CELF2: variants seen among roughly 807,000 people sequenced by gnomAD.
CELF2 encodes CUGBP Elav-like family member 2.
In CELF2, 8 loss-of-function variants were observed where a neutral mutation model predicts 62.6. The ratio of observed to expected loss-of-function variants is 0.13; its 90% CI spans 0.07 to 0.23. The LOEUF is 0.23. Among genes scored for constraint, CELF2 ranks in the 10% least tolerant of loss-of-function variants. The probability of loss-of-function intolerance (pLI) is 1.00; values close to 1 mark genes in which losing one functional copy is unlikely to be tolerated. For missense variants in CELF2, 333 were observed against 671.0 expected (o/e 0.50, Z 5.56); for synonymous variants, 258 against 250.0 (o/e 1.03, Z -0.30).
the CELF2 span, among the ~76,000 whole-genome samples, chr10:10,648,007 T>C: frequency 6.6e-6 from 1 of 152,334 alleles, no homozygotes; most frequent in East Asian, 1.9e-4. Context: ...AGGATTCAAC[T>C]ACAGATGTTT....
At chr10:10,921,355 C>T (rs533955780) in intron 2 of CELF2, among the ~76,000 whole-genome samples, 82 of 151,198 alleles carry the variant, frequency 5.4e-4, no homozygotes, top group African/African-American at 1.9e-3. Context: ...CTGCAACCTC[C>T]GCCCCTGGGT....
chr10:10,927,814 A>C (rs2065681649), intron 2 of CELF2, among the ~76,000 whole-genome samples: 1 of 152,132 alleles, frequency 6.6e-6, no homozygotes, highest in Non-Finnish European at 1.5e-5. Context: ...TGGCCTTTGA[A>C]TTGGTCCTTC....
At chr10:11,076,913 C>CT (rs2141208514) in intron 1 of CELF2, among the ~76,000 whole-genome samples, 1 of 152,068 alleles carries the variant, frequency 6.6e-6, no homozygotes, top group African/African-American at 2.4e-5. Flanking sequence ...TAACATGTAG[C>CT]TTTTGAAAAA....
At chr10:11,274,051 AAT>A (rs1287955222) in intron 7 of CELF2, among the ~76,000 whole-genome samples, 2 of 146,664 alleles carry the variant, frequency 1.4e-5, no homozygotes, top group Admixed American at 1.5e-4. Flanking sequence ...CTGTTTTTAA[AAT>A]AGTGAATTAA....
At position 11,032,146 on chromosome 10, in the gene CELF2, CAAAA is replaced by C. The variant is rs56364371; in HGVS notation, c.74+14005_74+14008del. On this transcript the variant is annotated intron_variant, in intron 1 of 12. Coordinates refer to ENST00000633077, the MANE Select transcript of CELF2 (RefSeq NM_001326342.2). Reference sequence around the variant, plus strand: ...CTCCCAGCTCCACATAGGGCTTAGCCAAAAAAAAAAAAAAAAAAAAAAAAATTGC... The same window carrying C: ...CTCCCAGCTCCACATAGGGCTTAGCCAAAAAAAAAAAAAAAAAAAAATTGC... Among the ~76,000 whole-genome samples the C allele has an allele frequency of 9.9e-3, 858 of 86,390 alleles. 16 individuals are homozygous for C. Among genetic ancestry groups the C allele is most frequent in the African/African-American group, 0.026 (656 of 24,984 alleles). The allele number at this position is 86,390 out of a possible 152,430, so 56.7% of individuals were successfully genotyped here. A position where few individuals can be genotyped will look rare whatever the true frequency, so the allele number is the denominator to read the frequency against.
intron 1 of CELF2, among the ~76,000 whole-genome samples, chr10:11,053,032 A>T (rs754814640): frequency 7.2e-5 from 11 of 151,890 alleles, no homozygotes; most frequent in Non-Finnish European, 1.6e-4. Context: ...ATCTTGTAGT[A>T]TTGGTTCATT....
At chr10:10,979,802 A>C (rs2051847804) in intron 2 of CELF2, among the ~76,000 whole-genome samples, 1 of 152,226 alleles carries the variant, frequency 6.6e-6, no homozygotes, top group South Asian at 2.1e-4. Flanking sequence ...CATAGCTGGT[A>C]AAACATCTGA....
chr10:10,747,552 G>A, the CELF2 span, among the ~76,000 whole-genome samples: 8 of 152,120 alleles, frequency 5.3e-5, no homozygotes, highest in African/African-American at 7.2e-5. Flanking sequence ...GAGGGAAAGC[G>A]GGGATCATCA....
chr10:10,909,017 G>A (rs2063581455), intron 1 of CELF2, among the ~76,000 whole-genome samples: 1 of 152,046 alleles, frequency 6.6e-6, no homozygotes. Flanking sequence ...TCGAACTCCT[G>A]ACCTCAAGTG....
intron 1 of CELF2, among the ~76,000 whole-genome samples, chr10:10,884,017 TTCCTCTTTGTCTTCC>T (rs1347968217): frequency 6.6e-6 from 1 of 152,008 alleles, no homozygotes; most frequent in African/African-American, 2.4e-5. Flanking sequence ...CCTCCTGCTC[TTCCTCTTTGTCTTCC>T]TCCTCTTTGT....
intron 1 of CELF2, among the ~76,000 whole-genome samples, chr10:11,025,346 C>T (rs544859455): frequency 2.0e-5 from 3 of 152,100 alleles, no homozygotes; most frequent in South Asian, 2.1e-4. Context: ...ATAGTCCCCA[C>T]GTGTCAAGGG....
the CELF2 span, among the ~76,000 whole-genome samples, chr10:10,610,083 A>C: frequency 6.6e-6 from 1 of 152,234 alleles, no homozygotes; most frequent in Non-Finnish European, 1.5e-5. Context: ...TTTGCTATGC[A>C]CCATATATCA....
At chr10:11,181,095 C>G (rs1347059848) in intron 2 of CELF2, among the ~76,000 whole-genome samples, 1 of 152,162 alleles carries the variant, frequency 6.6e-6, no homozygotes, top group African/African-American at 2.4e-5. Flanking sequence ...GTCTCAAACT[C>G]CTGACCTCAA....
chr10:10,585,211 C>T, the CELF2 span, among the ~76,000 whole-genome samples: 1 of 152,048 alleles, frequency 6.6e-6, no homozygotes, highest in African/African-American at 2.4e-5. Flanking sequence ...AGAGAATTCC[C>T]AAAACTCATC....
chr10:10,946,891 C>T (rs2047743904), intron 2 of CELF2: 1 of 152,264 alleles, frequency 6.6e-6, no homozygotes. Flanking sequence ...TATACTATGT[C>T]TGTTTCCATT....
At chr10:11,259,348 TGAAGGTA>T (rs2079761355) in intron 5 of CELF2, among the ~76,000 whole-genome samples, 1 of 151,016 alleles carries the variant, frequency 6.6e-6, no homozygotes, top group African/African-American at 2.4e-5. Flanking sequence ...AGCCCCAGCA[TGAAGGTA>T]GTCTACAGGA....
intron 6 of CELF2, among the ~76,000 whole-genome samples, chr10:11,266,959 A>C (rs1239404387): frequency 1.3e-5 from 2 of 152,186 alleles, no homozygotes; most frequent in African/African-American, 4.8e-5. Context: ...TGTGATGTAA[A>C]GTCGTGAGCA....
At chr10:10,603,977 G>C in the CELF2 span, among the ~76,000 whole-genome samples, 42,924 of 152,112 alleles carry the variant, frequency 0.28, 6,425 homozygotes, top group South Asian at 0.51. Flanking sequence ...GGGAGGCCAA[G>C]GTTGGAGGAT....
intron 1 of CELF2, among the ~76,000 whole-genome samples, chr10:10,806,917 A>G (rs1173391616): frequency 2.0e-5 from 3 of 152,148 alleles, no homozygotes; most frequent in Non-Finnish European, 4.4e-5. Context: ...ACCCACAAGG[A>G]TGTGTTGCAG....
Sources: allele counts gnomAD v4.1 joint callset (sites outside exome capture counted in the v4.1 genomes callset), GRCh38; gene constraint gnomAD v4.1.1; transcripts MANE v1.5; gene names NCBI Gene and HGNC (gene_info 2026-07-23, HGNC 2026-07-21).